Variants in IL16 observed in about 807,000 individuals in gnomAD.
IL16 encodes the protein pro-interleukin-16.
A neutral mutation model predicts 110.1 loss-of-function variants in IL16; 67 were observed. The ratio of observed to expected loss-of-function variants is 0.61; its 90% CI spans 0.50 to 0.75. The LOEUF (loss-of-function observed/expected upper bound fraction) is 0.75, where lower values mean the gene tolerates loss of function less well. Among genes scored for constraint, IL16 ranks in the 30% least tolerant of loss-of-function variants. The pLI, the probability that IL16 is intolerant of heterozygous loss-of-function variation, is 0.00. For synonymous variants in IL16, 689 were observed against 662.9 expected, an observed-to-expected ratio of 1.04 and a Z score of -0.61; for missense variants, 1,545 against 1,655.0, an observed-to-expected ratio of 0.93 and a Z score of 1.15.
intron 10 of IL16, among the ~76,000 whole-genome samples, chr15:81,289,195 C>T (rs953763307): frequency 6.6e-6 from 1 of 152,060 alleles, no homozygotes; most frequent in Non-Finnish European, 1.5e-5. Context: ...CACCCAGGCT[C>T]GAGCGCAGTG....
chr15:81,290,056 G>A (rs946919054), intron 10 of IL16: 1 of 349,654 alleles, frequency 2.9e-6, no homozygotes, highest in African/African-American at 2.1e-5. Context: ...GTGAGTCACA[G>A]CTCAGACAGT....
chr15:81,184,366 G>T (rs572527388), intron 1 of IL16, among the ~76,000 whole-genome samples: 2 of 152,352 alleles, frequency 1.3e-5, no homozygotes, highest in East Asian at 3.9e-4. Context: ...CCAGCGTGGG[G>T]TGAGGGAGAC....
intron 5 of IL16, among the ~76,000 whole-genome samples, chr15:81,271,054 CAA>C (rs1256207877): frequency 1.3e-5 from 2 of 152,086 alleles, no homozygotes; most frequent in Non-Finnish European, 2.9e-5. Context: ...AACCAGCCAC[CAA>C]AACCCGGGCA....
At chr15:81,189,527 C>T (rs1454482917) in intron 1 of IL16, among the ~76,000 whole-genome samples, 2 of 152,152 alleles carry the variant, frequency 1.3e-5, no homozygotes, top group African/African-American at 4.8e-5. Context: ...TCAAGTGATT[C>T]TCCCACCTCA....
intron 1 of IL16, among the ~76,000 whole-genome samples, chr15:81,200,859 T>C (rs1027408486): frequency 6.6e-6 from 1 of 152,206 alleles, no homozygotes; most frequent in Admixed American, 6.5e-5. Flanking sequence ...TCATCTGTCT[T>C]TTTTTCTGTA....
chr15:81,253,122 C>T (rs1301826762), intron 2 of IL16, among the ~76,000 whole-genome samples: 1 of 152,124 alleles, frequency 6.6e-6, no homozygotes, highest in Admixed American at 6.6e-5. Flanking sequence ...TTCTCATATC[C>T]TCCTTACACT....
chr15:81,295,940 C>T (rs1409259155), intron 12 of IL16, among the ~76,000 whole-genome samples: 1 of 152,182 alleles, frequency 6.6e-6, no homozygotes, highest in African/African-American at 2.4e-5. Context: ...TTACACAAAT[C>T]TGGAATGAAC....
At chr15:81,233,928 C>T (rs1186783236) in intron 2 of IL16, among the ~76,000 whole-genome samples, 3 of 151,972 alleles carry the variant, frequency 2.0e-5, no homozygotes, top group Non-Finnish European at 4.4e-5. Context: ...TTAGTTCTGT[C>T]AATTTTTGCC....
At chr15:81,205,997 C>T (rs982168945) in intron 1 of IL16, among the ~76,000 whole-genome samples, 1 of 151,926 alleles carries the variant, frequency 6.6e-6, no homozygotes, top group Non-Finnish European at 1.5e-5. Flanking sequence ...CATAAAGCGT[C>T]GAAATATGTA....
intron 2 of IL16, among the ~76,000 whole-genome samples, chr15:81,227,245 T>A (rs537534050): frequency 2.4e-4 from 36 of 152,200 alleles, no homozygotes; most frequent in South Asian, 1.7e-3. Flanking sequence ...GGGATATAGA[T>A]AATAACAACT....
At chr15:81,275,127 A>T (rs1292034284) in intron 6 of IL16, among the ~76,000 whole-genome samples, 1 of 151,618 alleles carries the variant, frequency 6.6e-6, no homozygotes, top group Non-Finnish European at 1.5e-5. Flanking sequence ...ATTGCCTTAT[A>T]TAGAGTAAGA....
chr15:81,302,566 C>T (rs1170207534), intron 15 of IL16, among the ~76,000 whole-genome samples: 2 of 152,120 alleles, frequency 1.3e-5, no homozygotes, highest in African/African-American at 4.8e-5. Context: ...GTCTTAGGGG[C>T]TCCAAGTCTT....
At chr15:81,276,249 C>T (rs1322500457) in intron 6 of IL16, among the ~76,000 whole-genome samples, 3 of 152,224 alleles carry the variant, frequency 2.0e-5, no homozygotes, top group Admixed American at 2.0e-4. Context: ...ACCCTGCCTC[C>T]AGCCCCTGTT....
intron 1 of IL16, among the ~76,000 whole-genome samples, chr15:81,189,708 C>T (rs1355453931): frequency 6.6e-6 from 1 of 152,176 alleles, no homozygotes; most frequent in East Asian, 1.9e-4. Flanking sequence ...GAAGCTCTTG[C>T]TTAGAAAGGG....
intron 1 of IL16, among the ~76,000 whole-genome samples, chr15:81,207,320 G>A (rs1336743476): frequency 6.6e-6 from 1 of 151,716 alleles, no homozygotes; most frequent in Non-Finnish European, 1.5e-5. Context: ...TAATCACAGT[G>A]TTGCTGTGAG....
chr15:81,235,528 C>G (rs928425080), intron 2 of IL16, among the ~76,000 whole-genome samples: 3 of 152,204 alleles, frequency 2.0e-5, no homozygotes, highest in Admixed American at 1.3e-4. Flanking sequence ...TAGGCCCCCC[C>G]TCCAACACTG....
At chr15:81,259,312 G>A (rs529238759) in intron 2 of IL16, among the ~76,000 whole-genome samples, 1 of 152,050 alleles carries the variant, frequency 6.6e-6, no homozygotes, top group East Asian at 1.9e-4. Flanking sequence ...TACCTTCCAG[G>A]CTCCCTATCC....
chr15:81,255,484 G>A (rs1355943179), intron 2 of IL16, among the ~76,000 whole-genome samples: 1 of 152,230 alleles, frequency 6.6e-6, no homozygotes, highest in Admixed American at 6.5e-5. Flanking sequence ...TGTCTGAGAT[G>A]GCTTTGGTTG....
chr15:81,300,285 C>G lies in IL16; in HGVS notation c.2959C>G (p.Leu987Val). The G allele has an allele frequency of 6.2e-7, 1 of 1,614,204 alleles. No homozygotes were observed. Among genetic ancestry groups the G allele is most frequent in the South Asian group, 1.1e-5 (1 of 91,090 alleles). Reference protein sequence around the residue: ...TKLLDEKTSKLYSISSQVSSA... With the variant: ...TKLLDEKTSKVYSISSQVSSA... ...GCTACTTGACGAAAAGACCAGCAAA[C>G]TCTATTCTATCAGCAGCCAAGTGTC... Residue 987 changes from leucine to valine, a missense_variant, in exon 14 of 19, where the codon CTC becomes GTC. Around this residue, in one of 3 missense-constraint regions of IL16, gnomAD observed 1,185 missense variants for 1,238.8 expected, o/e 0.96. Transcript: ENST00000683961.
Sources: gnomAD v4.1 joint callset for allele counts (sites outside exome capture counted in the v4.1 genomes callset) on GRCh38, gnomAD v4.1.1 for gene constraint, gnomAD v4.1.1 regional missense constraint, MANE v1.5 for transcripts, NCBI Gene and HGNC (gene_info 2026-07-23, HGNC 2026-07-21) for gene names.